The following SEC61A1 variants were observed in gnomAD, a reference collection of about 807,000 sequenced individuals.
SEC61A1 encodes the protein protein transport protein Sec61 subunit alpha isoform 1.
In SEC61A1, 15 loss-of-function variants were observed where a neutral mutation model predicts 55.2. The ratio of observed to expected loss-of-function variants is 0.27; its 90% CI spans 0.18 to 0.42. The LOEUF (loss-of-function observed/expected upper bound fraction) is 0.42, where lower values mean the gene tolerates loss of function less well. SEC61A1 is among the 10% of genes least tolerant of loss of function. SEC61A1 has a pLI of 1.00. For synonymous variants in SEC61A1, 247 were observed against 234.0 expected (o/e 1.06, Z -0.51); for missense variants, 284 against 602.6 (o/e 0.47, Z 5.53).
At chr3:128,053,589 T>A (rs72974015) in intron 2 of SEC61A1, among the ~76,000 whole-genome samples, 1 of 152,262 alleles carries the variant, frequency 6.6e-6, no homozygotes, top group Non-Finnish European at 1.5e-5. Flanking sequence ...TTTTTCAAAC[T>A]GTTGTTAAAG....
chr3:128,051,939 A>C, upstream of SEC61A1: 1 of 1,505,920 alleles, frequency 6.6e-7, no homozygotes, highest in Non-Finnish European at 8.9e-7. Context: ...CGCCCTACTC[A>C]GCAGGTAATG....
In SEC61A1 at chr3:128,065,732, A is replaced by ATTTTTT. The variant is rs758640768; in HGVS notation, c.777+712_777+717dup. Among the ~76,000 whole-genome samples the ATTTTTT allele has an allele frequency of 5.4e-3, 530 of 97,466 alleles. 10 individuals carry two copies. Among genetic ancestry groups the ATTTTTT allele is most frequent in the Non-Finnish European group, 6.8e-3 (358 of 52,738 alleles). The allele number at this position is 97,466 out of a possible 152,430, so 63.9% of individuals were successfully genotyped here. A position where few individuals can be genotyped will look rare whatever the true frequency, so the allele number is the denominator to read the frequency against. ...AGAATTTGCAGTCAGATCATTAAGA[A>ATTTTTT]TTTTTTTTTTTTTTTTTTTTTTGAG... is the stretch of plus-strand genomic sequence containing the variant. On this transcript the variant is annotated intron_variant, in intron 8 of 11. Coordinates refer to ENST00000243253, the MANE Select transcript of SEC61A1 (RefSeq NM_013336.4).
At chr3:128,063,286 G>A (rs933422580) in intron 7 of SEC61A1, among the ~76,000 whole-genome samples, 1 of 152,182 alleles carries the variant, frequency 6.6e-6, no homozygotes, top group South Asian at 2.1e-4. Flanking sequence ...TATTTAATCT[G>A]TCATGTAAAA....
rs1382170696 is a variant in SEC61A1, at chr3:128,067,552, G to A, written c.1107G>A (p.Leu369=). The change falls in exon 10 of 12, where the codon CTG becomes CTA. Residue 369 remains leucine (L), a synonymous_variant. Transcript: ENST00000243253. The surrounding 1 kb of genome is among the most constrained non-coding windows in gnomAD (Gnocchi z 4.1). ...VHAVVYIVFM[L]GSCAFFSKTW... Reference sequence around the variant, plus strand: ...CAGTTGTATACATAGTGTTCATGCTGGGCTCCTGTGCATTCTTCTCCAAAA... The same window carrying A: ...CAGTTGTATACATAGTGTTCATGCTAGGCTCCTGTGCATTCTTCTCCAAAA... The A allele has an allele frequency of 6.2e-7, 1 of 1,613,752 alleles. No individual in the cohort carries two copies. Among genetic ancestry groups the A allele is most frequent in the South Asian group, 1.1e-5 (1 of 90,974 alleles).
At position 128,067,360 on chromosome 3, in the gene SEC61A1, TG is replaced by T; in HGVS notation, c.976-60del. The T allele has an allele frequency of 6.5e-7, 1 of 1,529,876 alleles. No individual in the cohort carries two copies. 94.8% of individuals were successfully genotyped at this position (1,529,876 alleles called of 1,614,324 possible). ...TCTTTCATCTGCTCAGAACTATTTT[TG>T]CCTTGATGCTAAAGTAAAATGAAGG... On this transcript the variant is annotated intron_variant, in intron 9 of 11. Coordinates refer to ENST00000243253, the MANE Select transcript of SEC61A1 (RefSeq NM_013336.4). This position sits in a 1 kb window ranked among gnomAD's most constrained non-coding sequence, Gnocchi z 4.1.
At position 128,071,236 on chromosome 3, in the gene SEC61A1, C is replaced by T. The variant is rs1942158680; in HGVS notation, c.*1574C>T. The T allele has an allele frequency of 6.5e-6, 1 of 152,964 alleles. No homozygotes were observed. The highest frequency in any genetic ancestry group is 1.5e-5 in the Non-Finnish European group (1 of 68,614). 9.5% of individuals were successfully genotyped at this position (152,964 alleles called of 1,614,324 possible). A position where few individuals can be genotyped will look rare whatever the true frequency, so the allele number is the denominator to read the frequency against. On this transcript the variant is annotated 3_prime_UTR_variant, in exon 12 of 12. Transcript: ENST00000243253. ...GCAGAACCAAGATGGGCCCCAGGCT[C>T]CTCCATATGGCCCAGGGCTTACCAC...
chr3:128,067,500 G>C lies in SEC61A1; in HGVS notation c.1055G>C (p.Gly352Ala). The stretch of plus-strand genomic sequence containing the variant: ...TACCTGTCCCCTCCAGAATCTTTTG[G>C]CTCCGTGTTAGAAGACCCGGTCCAT... ...CYYLSPPESFGSVLEDPVHAV... is the reference protein window; with the variant it reads ...CYYLSPPESFASVLEDPVHAV... Residue 352 changes from glycine to alanine, a missense_variant, in exon 10 of 12, where the codon GGC becomes GCC. Transcript: ENST00000243253. The surrounding 1 kb of genome is among the most constrained non-coding windows in gnomAD (Gnocchi z 4.1). 6.2e-7 allele frequency: 1 copy of C among 1,614,100 alleles called. No homozygotes were observed. The highest frequency in any genetic ancestry group is 1.1e-5 in the South Asian group (1 of 91,088).
intron 2 of SEC61A1, among the ~76,000 whole-genome samples, chr3:128,054,992 T>C (rs1297491798): frequency 6.6e-6 from 1 of 152,212 alleles, no homozygotes; most frequent in Non-Finnish European, 1.5e-5. Context: ...TTCCCCAATA[T>C]GGTTTATTAC....
In SEC61A1 at chr3:128,061,899, G is replaced by A. The variant is rs146082692; in HGVS notation, c.616+1238G>A. On this transcript the variant is annotated intron_variant, in intron 7 of 11. Transcript: ENST00000243253. ...GTGGCTTAGCAGCCCAGTAGTAGCC[G>A]CCAGAGGCTCATGTTCCATTCTGCA... 1.9e-3 allele frequency among the ~76,000 whole-genome samples: 285 copies of A among 152,310 alleles called. 2 individuals are homozygous for A. The highest frequency in any genetic ancestry group is 6.4e-3 in the African/African-American group (266 of 41,566).
At chr3:128,060,840 G>T (rs1402056096) in intron 7 of SEC61A1, among the ~76,000 whole-genome samples, 179 bp downstream of exon 7, 2 of 152,208 alleles carry the variant, frequency 1.3e-5, no homozygotes, top group African/African-American at 2.4e-5. Context: ...TTGTAATTAT[G>T]ATGATACCTA....
intron 11 of SEC61A1, 37 bp downstream of exon 11, chr3:128,068,096 T>C (rs1305258812): frequency 6.5e-7 from 1 of 1,542,846 alleles, no homozygotes; most frequent in African/African-American, 1.4e-5. Context: ...CTCCCGTCTG[T>C]GGACATGTGT....
chr3:128,054,040 C>A (rs1443793701), intron 2 of SEC61A1, among the ~76,000 whole-genome samples: 2 of 152,138 alleles, frequency 1.3e-5, no homozygotes, highest in Non-Finnish European at 2.9e-5. Flanking sequence ...GATGTAGTTG[C>A]TATTGATAGA....
intron 1 of SEC61A1, 127 bp from the exon 2 acceptor site, chr3:128,052,708 C>T (rs989883398): frequency 6.0e-5 from 90 of 1,497,244 alleles, no homozygotes; most frequent in Non-Finnish European, 8.1e-5. Context: ...TATCCCCACG[C>T]GTCCGGGGTG....
At chr3:128,055,327 T>G (rs977820602) in intron 2 of SEC61A1, among the ~76,000 whole-genome samples, 189 bp from the exon 3 acceptor site, 8 of 152,236 alleles carry the variant, frequency 5.3e-5, no homozygotes, top group Admixed American at 5.2e-4. Flanking sequence ...CCTTGCATTG[T>G]GCTCTGTGCA....
At position 128,052,851 on chromosome 3, in the gene SEC61A1, C is replaced by A; in HGVS notation, c.24C>A (p.Val8=). ...CCATCAAAGTCAAATTTCTGGAAGT[C>A]ATCAAGCCCTTCTGTGTCATCCTGC... MAIKFLE[V]IKPFCVILPE... is the part of the protein sequence containing the mutation. The change falls in exon 2 of 12, where the codon GTC becomes GTA. Residue 8 remains valine, a synonymous_variant. Coordinates refer to ENST00000243253, the MANE Select transcript of SEC61A1 (RefSeq NM_013336.4). 2 of 1,613,694 alleles carry A rather than the reference C, an allele frequency of 1.2e-6. No individual in the cohort carries two copies. The highest frequency in any genetic ancestry group is 2.2e-5 in the South Asian group (2 of 90,982).
At chr3:128,056,599 C>T in intron 4 of SEC61A1, 110 bp from the exon 5 acceptor site, 4 of 927,522 alleles carry the variant, frequency 4.3e-6, no homozygotes, top group East Asian at 5.5e-5. Flanking sequence ...AACTGAAACA[C>T]ATTGGTTTTA....
intron 7 of SEC61A1, among the ~76,000 whole-genome samples, chr3:128,061,168 G>A (rs915520214): frequency 1.3e-5 from 2 of 152,224 alleles, no homozygotes; most frequent in African/African-American, 4.8e-5. Flanking sequence ...AATCCTGGCT[G>A]TTCCTGTTAG....
At chr3:128,054,728 T>C (rs932178481) in intron 2 of SEC61A1, among the ~76,000 whole-genome samples, 5 of 152,254 alleles carry the variant, frequency 3.3e-5, no homozygotes, top group African/African-American at 1.2e-4. Context: ...TGTTAAGCCC[T>C]CTAAAGCCAT....
chr3:128,065,367 C>A, intron 8 of SEC61A1: 1 of 576,458 alleles, frequency 1.7e-6, no homozygotes, highest in South Asian at 2.3e-5. Flanking sequence ...CCTCATTGCT[C>A]TCTTATAGAA....
Sources: allele counts gnomAD v4.1 joint callset (sites outside exome capture counted in the v4.1 genomes callset), GRCh38; gene constraint gnomAD v4.1.1; non-coding constraint Gnocchi (gnomAD v3.1); transcripts MANE v1.5; gene names NCBI Gene and HGNC (gene_info 2026-07-23, HGNC 2026-07-21).